SPNS2: variants seen among roughly 807,000 people sequenced by gnomAD.
SPNS2 encodes SPNS lysolipid transporter 2, sphingosine-1-phosphate, also known as sphingosine-1-phosphate transporter SPNS2.
A neutral mutation model predicts 57.6 loss-of-function variants in SPNS2; 37 were observed. That is an observed-to-expected ratio of 0.64 (90% CI 0.49 to 0.85). SPNS2 has a LOEUF of 0.85. SPNS2 is among the 40% of genes least tolerant of loss of function. SPNS2 has a pLI of 0.00. For missense variants in SPNS2, 831 were observed against 779.1 expected, an observed-to-expected ratio of 1.07 and a Z score of -0.79; for synonymous variants, 440 against 346.9, an observed-to-expected ratio of 1.27 and a Z score of -2.98.
At chr17:4,532,246 T>C (rs1056107258) in intron 5 of SPNS2, among the ~76,000 whole-genome samples, 2 of 152,132 alleles carry the variant, frequency 1.3e-5, no homozygotes, top group Non-Finnish European at 2.9e-5. Flanking sequence ...TCTCTATCTA[T>C]CCACCCACTG....
At chr17:4,533,677 G>A (rs1905612525) in intron 8 of SPNS2, 111 bp from the exon 9 acceptor site, 6 of 1,262,002 alleles carry the variant, frequency 4.8e-6, no homozygotes, top group Admixed American at 1.8e-5. Context: ...GGCCCGGGAG[G>A]GGTGTGAGGT....
At chr17:4,532,188 C>T (rs1016927441) in intron 5 of SPNS2, among the ~76,000 whole-genome samples, 1 of 152,036 alleles carries the variant, frequency 6.6e-6, no homozygotes, top group South Asian at 2.1e-4. Context: ...CCGTCCATCC[C>T]TCCATCTATC....
At chr17:4,513,742 T>C (rs552471242) in intron 2 of SPNS2, among the ~76,000 whole-genome samples, 26 of 152,256 alleles carry the variant, frequency 1.7e-4, no homozygotes, top group African/African-American at 6.0e-4. Flanking sequence ...CCTTCCAATA[T>C]CATCAACCCT....
In SPNS2 at chr17:4,525,191, C is replaced by A; in HGVS notation, c.571C>A (p.Gln191Lys). ...CTTCTCCAGCTCCTTCATTCCCCAGCAGGTGAGGCCCGGCTCGGCTTCTCC... is the reference window on the plus strand; with the variant it reads ...CTTCTCCAGCTCCTTCATTCCCCAGAAGGTGAGGCCCGGCTCGGCTTCTCC... ...VTFSSSFIPQ[Q>K]YFWLLVLSRG... Residue 191 changes from glutamine to lysine, a missense_variant and splice_region_variant, in exon 3 of 13, where the codon CAG (glutamine) becomes AAG (lysine). This residue lies in a region of SPNS2 where 305 missense variants were observed against 378.3 expected (regional missense o/e 0.81). Transcript: ENST00000329078. 1 of 1,613,980 alleles carries A rather than the reference C, an allele frequency of 6.2e-7. No homozygotes were observed. Among genetic ancestry groups the A allele is most frequent in the Non-Finnish European group, 8.5e-7 (1 of 1,179,992 alleles).
intron 2 of SPNS2, among the ~76,000 whole-genome samples, chr17:4,514,563 A>G (rs974670086): frequency 6.6e-6 from 1 of 152,212 alleles, no homozygotes; most frequent in South Asian, 2.1e-4. Flanking sequence ...CTCAGGCTCA[A>G]GTGAGACTTG....
At position 4,527,109 on chromosome 17, in the gene SPNS2, G is replaced by A. The variant is rs548955329; in HGVS notation, c.573+1916G>A. On this transcript the variant is annotated intron_variant, in intron 3 of 12. Coordinates refer to ENST00000329078, the MANE Select transcript of SPNS2 (RefSeq NM_001124758.3). ...GAGACAGAAGATAAGCAAAGGCAGA[G>A]AGAGAAACAGGTCACCTCCAGTGAA... Among the ~76,000 whole-genome samples the A allele has an allele frequency of 2.6e-5, 4 of 152,316 alleles. No homozygotes were observed. The South Asian group carries it at 6.2e-4, about 24-fold the overall frequency.
chr17:4,533,157 C>A (rs764343600), intron 7 of SPNS2, 28 bp downstream of exon 7: 1 of 1,590,740 alleles, frequency 6.3e-7, no homozygotes, highest in Non-Finnish European at 8.6e-7. Flanking sequence ...GGGCCCAGGG[C>A]TGGTGAGGGA....
In SPNS2 at chr17:4,536,436, G is replaced by GGA. The variant is rs1555538182; in HGVS notation, c.1607+11_1607+12insAG. The GGA allele has an allele frequency of 1.1e-5, 18 of 1,595,956 alleles. No individual in the cohort carries two copies. The highest frequency in any genetic ancestry group is 1.7e-4 in the Middle Eastern group (1 of 5,982). ...CCAGGGCTGAGCAGCAGTGAGTGGG[G>GGA]GGGAGGGGAGGCCCTGCTGCACCGC... On this transcript the variant is annotated intron_variant, in intron 11 of 12. Coordinates refer to ENST00000329078, the MANE Select transcript of SPNS2 (RefSeq NM_001124758.3).
intron 2 of SPNS2, among the ~76,000 whole-genome samples, chr17:4,524,738 C>T (rs1289119728): frequency 2.0e-5 from 3 of 152,114 alleles, no homozygotes; most frequent in Non-Finnish European, 4.4e-5. Flanking sequence ...ATGGTGAGCC[C>T]CTAGCATAGT....
rs1298189719 is a variant in SPNS2, at chr17:4,536,253, A to G, written c.1444-10A>G. ...GCTCTGCCCTGACATCCACCCCCAA[A>G]TCCTCGCAGATCTCAGACCTGATCC... On this transcript the variant is annotated splice_polypyrimidine_tract_variant and intron_variant, in intron 10 of 12. Transcript: ENST00000329078. The G allele has an allele frequency of 5.6e-6, 9 of 1,610,942 alleles. No individual in the cohort carries two copies. The highest frequency in any genetic ancestry group is 4.5e-5 in the East Asian group (2 of 44,824).
At chr17:4,518,717 C>T (rs959900092) in intron 2 of SPNS2, among the ~76,000 whole-genome samples, 2 of 152,136 alleles carry the variant, frequency 1.3e-5, no homozygotes, top group Admixed American at 6.5e-5. Context: ...CAGCTCAAAC[C>T]GAAACCAGAC....
chr17:4,535,931 C>G lies in SPNS2; in HGVS notation c.1345-145C>G. 7.7e-6 allele frequency: 5 copies of G among 649,956 alleles called. No individual in the cohort carries two copies. The South Asian group carries it at 9.6e-5, about 12-fold the overall frequency. 40.3% of individuals were successfully genotyped at this position (649,956 alleles called of 1,614,324 possible). On this transcript the variant is annotated intron_variant, in intron 9 of 12. Transcript: ENST00000329078. Reference sequence around the variant, plus strand: ...GTAGAGGGGACTGTGGGGAGGAGGGCAGGGCCCAGGGGAGAGAGGTGTCAA... The same window carrying G: ...GTAGAGGGGACTGTGGGGAGGAGGGGAGGGCCCAGGGGAGAGAGGTGTCAA...
rs1905611536 is a variant in SPNS2, at chr17:4,533,667, G to A, written c.1279-121G>A. The A allele has an allele frequency of 7.6e-6, 9 of 1,185,416 alleles. No individual in the cohort carries two copies. In the South Asian group the frequency reaches 9.1e-5, roughly 12 times the overall value. 73.4% of individuals were successfully genotyped at this position (1,185,416 alleles called of 1,614,324 possible). ...TCTGGATAGCCCATGAATGGATGTGGGCCCGGGAGGGGTGTGAGGTTTTGT... is the reference window on the plus strand; with the variant it reads ...TCTGGATAGCCCATGAATGGATGTGAGCCCGGGAGGGGTGTGAGGTTTTGT... On this transcript the variant is annotated intron_variant, in intron 8 of 12. Coordinates refer to ENST00000329078, the MANE Select transcript of SPNS2 (RefSeq NM_001124758.3).
At chr17:4,519,016 G>A (rs1905069814) in intron 2 of SPNS2, among the ~76,000 whole-genome samples, 1 of 152,038 alleles carries the variant, frequency 6.6e-6, no homozygotes, top group Admixed American at 6.6e-5. Context: ...GCGCTGATGG[G>A]GCCATCTGTC....
chr17:4,536,036 C>G lies in SPNS2; in HGVS notation c.1345-40C>G, dbSNP rs529658571. 8 of 1,583,544 alleles carry G rather than the reference C, an allele frequency of 5.1e-6. No homozygotes were observed. In the Admixed American group the frequency reaches 8.5e-5, roughly 17 times the overall value. The stretch of plus-strand genomic sequence containing the variant: ...CGGGGCCAGGGCCAAGCGCGTGAGC[C>G]TTTCTCCTCTGGCCGCTGACCTGCC... On this transcript the variant is annotated intron_variant, in intron 9 of 12. Transcript: ENST00000329078.
chr17:4,499,350 G>A lies in SPNS2; in HGVS notation c.303G>A (p.Arg101=), dbSNP rs1016962655. The A allele has an allele frequency of 5.5e-6, 8 of 1,450,946 alleles. No homozygotes were observed. Among genetic ancestry groups the A allele is most frequent in the African/African-American group, 1.5e-5 (1 of 67,576 alleles). The allele number at this position is 1,450,946 out of a possible 1,614,324, so 89.9% of individuals were successfully genotyped here. The change falls in exon 1 of 13, where the codon CGG becomes CGA. Residue 101 remains arginine (R), a synonymous_variant. Transcript: ENST00000329078. This position sits in a 1 kb window ranked among gnomAD's most constrained non-coding sequence, Gnocchi z 5.2. ...AACCGGCCAGCTTGGGCCGCGGGCG[G>A]GGGGCAGCCGCCGCCATCCTCAGCT... ...QPKPASLGRG[R]GAAAAILSLG... is the part of the protein sequence containing the mutation.
Position 4,536,370 on chromosome 17 carries a change from G to C in SPNS2, c.1551G>C (p.Met517Ile). 7 of 1,609,278 alleles carry C rather than the reference G, an allele frequency of 4.3e-6. No homozygotes were observed. Among genetic ancestry groups the C allele is most frequent in the Non-Finnish European group, 5.9e-6 (7 of 1,179,898 alleles). Residue 517 changes from methionine (M) to isoleucine (I), a missense_variant, in exon 11 of 13, where the codon ATG becomes ATC. Met to Ile is a conservative substitution (Grantham distance 10). Around this residue, in one of 2 missense-constraint regions of SPNS2, gnomAD observed 526 missense variants for 400.9 expected, o/e 1.31. Transcript: ENST00000329078. Reference protein sequence around the residue: ...LCPFVVVLGGMFFLATALFFV... With the variant: ...LCPFVVVLGGIFFLATALFFV... The stretch of plus-strand genomic sequence containing the variant: ...CTTTCGTCGTGGTCCTGGGCGGCAT[G>C]TTCTTCCTCGCCACTGCGCTCTTCT...
chr17:4,498,981 C>G lies in SPNS2; in HGVS notation c.-67C>G, dbSNP rs1230822826. 1 of 955,156 alleles carries G rather than the reference C, an allele frequency of 1.0e-6. No homozygotes were observed. Among genetic ancestry groups the G allele is most frequent in the Non-Finnish European group, 1.2e-6 (1 of 802,806 alleles). 59.2% of individuals were successfully genotyped at this position (955,156 alleles called of 1,614,324 possible). On this transcript the variant is annotated 5_prime_UTR_variant, in exon 1 of 13. Transcript: ENST00000329078. The stretch of plus-strand genomic sequence containing the variant: ...CAGTGGCGGCTCCGCGGCGCACGCA[C>G]GCGCTGAGCGGGCCCAGCCTGGGCC...
chr17:4,532,497 GA>G (rs771021662), intron 5 of SPNS2, 44 bp from the exon 6 acceptor site: 21 of 1,613,660 alleles, frequency 1.3e-5, no homozygotes, highest in Non-Finnish European at 1.6e-5. Context: ...CAGCAGGGAC[GA>G]GGCTCACTGG....
Sources: allele counts gnomAD v4.1 joint callset (sites outside exome capture counted in the v4.1 genomes callset), GRCh38; gene constraint gnomAD v4.1.1; regional missense constraint gnomAD v4.1.1; non-coding constraint Gnocchi (gnomAD v3.1); transcripts MANE v1.5; gene names NCBI Gene and HGNC (gene_info 2026-07-23, HGNC 2026-07-21).